Variants in CALN1 observed in about 807,000 individuals in gnomAD.
The protein encoded by CALN1 is calcium-binding protein 8.
CALN1 carries 17 observed loss-of-function variants against 30.6 expected under a neutral mutation model. The observed-to-expected ratio is 0.56, with a 90% CI of 0.38 to 0.83. The LOEUF (loss-of-function observed/expected upper bound fraction) is 0.83, where lower values mean the gene tolerates loss of function less well. Ranked by LOEUF, CALN1 falls within the 40% of genes least tolerant of loss-of-function variation. The probability of loss-of-function intolerance (pLI) is 0.00; values close to 1 mark genes in which losing one functional copy is unlikely to be tolerated. For missense variants in CALN1, 291 were observed against 354.9 expected (o/e 0.82, Z 1.45); for synonymous variants, 156 against 131.4 (o/e 1.19, Z -1.28).
intron 4 of CALN1, among the ~76,000 whole-genome samples, chr7:72,100,958 TTTTG>T (rs921705228): frequency 6.6e-6 from 1 of 151,870 alleles, no homozygotes; most frequent in Non-Finnish European, 1.5e-5. Flanking sequence ...TGACTAGGAT[TTTTG>T]TTTGTTTTGT....
intron 2 of CALN1, among the ~76,000 whole-genome samples, chr7:72,380,742 T>TAGAC (rs1804849696): frequency 1.3e-5 from 2 of 152,074 alleles, no homozygotes; most frequent in African/African-American, 4.8e-5. Context: ...CATAGATAGA[T>TAGAC]AGTGTTAAAG....
chr7:72,367,265 C>T (rs979908251), intron 2 of CALN1, among the ~76,000 whole-genome samples: 1 of 151,792 alleles, frequency 6.6e-6, no homozygotes, highest in Non-Finnish European at 1.5e-5. Context: ...GGCAGGAGGA[C>T]TGCTTGAGGC....
intron 2 of CALN1, among the ~76,000 whole-genome samples, chr7:72,295,024 T>A (rs970862279): frequency 1.4e-5 from 2 of 144,592 alleles, no homozygotes; most frequent in Non-Finnish European, 3.1e-5. Context: ...ACAGTTGAAT[T>A]TAAGTAGAGA....
intron 3 of CALN1, among the ~76,000 whole-genome samples, chr7:72,185,027 A>G (rs118167704): frequency 0.044 from 6,724 of 152,070 alleles, 225 homozygotes; most frequent in Middle Eastern, 0.095. Flanking sequence ...CTGGTCTCAA[A>G]TTCCTGGGCT....
At position 72,271,236 on chromosome 7, in the gene CALN1, C is replaced by T. The variant is rs144781580; in HGVS notation, c.244+7450G>A. On this transcript the variant is annotated intron_variant, in intron 3 of 6. Coordinates refer to ENST00000395275, the MANE Select transcript of CALN1 (RefSeq NM_031468.4). ...CTAGGTCTAAAATCCAAGAGGGAGG[C>T]AGGACTGGAGATACGTATCTTGAGG... Among the ~76,000 whole-genome samples the T allele has an allele frequency of 6.9e-3, 1,044 of 151,996 alleles. 16 individuals carry two copies. The highest frequency in any genetic ancestry group is 0.024 in the African/African-American group (1,009 of 41,444).
At position 72,096,844 on chromosome 7, in the gene CALN1, A is replaced by G. The variant is rs1359967254; in HGVS notation, c.388+9307T>C. ...AAAGGATTATAAATCATGCTGCTAT[A>G]AAGACACATGCACACATATGTTTAT... On this transcript the variant is annotated intron_variant, in intron 4 of 6. Transcript: ENST00000395275. 2.6e-5 allele frequency among the ~76,000 whole-genome samples: 4 copies of G among 152,212 alleles called. No individual in the cohort carries two copies. The East Asian group carries it at 7.7e-4, about 29-fold the overall frequency.
chr7:72,181,160 T>C (rs1041320841), intron 3 of CALN1, among the ~76,000 whole-genome samples: 7 of 143,572 alleles, frequency 4.9e-5, no homozygotes, highest in Non-Finnish European at 1.5e-5. Flanking sequence ...CCCTACCATG[T>C]TAAAGTACCA....
chr7:71,971,967 AAGAAAGAAAGAAAGAAAGAAAGAAAG>A (rs1562946715), intron 5 of CALN1, among the ~76,000 whole-genome samples: 22 of 136,792 alleles, frequency 1.6e-4, no homozygotes, highest in Non-Finnish European at 3.4e-4. Flanking sequence ...GAAAGAAAGA[AAGAAAGAAAGAAAGAAAGAAAGAAAG>A]AGAAAGAAAG....
chr7:72,417,199 C>A (rs572274538), upstream of CALN1, among the ~76,000 whole-genome samples: 7 of 152,150 alleles, frequency 4.6e-5, no homozygotes, highest in Non-Finnish European at 1.0e-4. Context: ...CCTCGCCTCC[C>A]GAGGGAGGAC....
At chr7:71,798,525 C>T (rs985334640) in intron 6 of CALN1, among the ~76,000 whole-genome samples, 7 of 151,748 alleles carry the variant, frequency 4.6e-5, no homozygotes, top group South Asian at 2.1e-4. Context: ...AGGCTGGTCT[C>T]GAACTCCTGG....
At chr7:71,904,724 G>C (rs1794037905) in intron 5 of CALN1, among the ~76,000 whole-genome samples, 1 of 152,152 alleles carries the variant, frequency 6.6e-6, no homozygotes, top group East Asian at 1.9e-4. Flanking sequence ...ACTATTTGAG[G>C]TCACGCATTT....
chr7:71,815,181 T>C (rs769112862), intron 5 of CALN1, among the ~76,000 whole-genome samples: 3 of 152,164 alleles, frequency 2.0e-5, no homozygotes, highest in Non-Finnish European at 4.4e-5. Context: ...CAGTCAACAG[T>C]AGGCTATTAG....
At chr7:72,217,436 C>T (rs183897853) in intron 3 of CALN1, among the ~76,000 whole-genome samples, 22 of 152,250 alleles carry the variant, frequency 1.4e-4, no homozygotes, top group South Asian at 8.3e-4. Flanking sequence ...GCCAATAAAG[C>T]GCTCTCCCTG....
Position 71,781,598 on chromosome 7 carries a change from C to T in CALN1, c.*6177G>A. 1 of 152,352 alleles carries T rather than the reference C, an allele frequency of 6.6e-6. No individual in the cohort carries two copies. Among genetic ancestry groups the T allele is most frequent in the Non-Finnish European group, 1.5e-5 (1 of 68,044 alleles). The allele number at this position is 152,352 out of a possible 1,614,324, so 9.4% of individuals were successfully genotyped here. On this transcript the variant is annotated 3_prime_UTR_variant, in exon 7 of 7. Coordinates refer to ENST00000395275, the MANE Select transcript of CALN1 (RefSeq NM_031468.4). Reference sequence around the variant, plus strand: ...GTCTCCCTCAGGTCCAGGGATGGAGCAATATCGCAGTTGCACCTTGCATTC... The same window carrying T: ...GTCTCCCTCAGGTCCAGGGATGGAGTAATATCGCAGTTGCACCTTGCATTC...
intron 3 of CALN1, among the ~76,000 whole-genome samples, chr7:72,270,389 C>T (rs959898956): frequency 2.6e-5 from 4 of 152,056 alleles, no homozygotes; most frequent in African/African-American, 7.2e-5. Flanking sequence ...TTCCAAAAAC[C>T]TCTGTGGATT....
At chr7:71,796,358 C>CTTT (rs35184000) in intron 6 of CALN1, among the ~76,000 whole-genome samples, 13 of 130,214 alleles carry the variant, frequency 1.0e-4, no homozygotes, top group Admixed American at 1.6e-4. Context: ...ATGTTTCTTT[C>CTTT]TTTTTTTTTT....
chr7:72,155,280 C>G (rs1401698097), intron 3 of CALN1, among the ~76,000 whole-genome samples: 4 of 151,988 alleles, frequency 2.6e-5, no homozygotes, highest in Non-Finnish European at 5.9e-5. Flanking sequence ...TTAACAAGGT[C>G]AGGAGATCGA....
At chr7:72,044,325 C>T (rs779463895) in intron 4 of CALN1, among the ~76,000 whole-genome samples, 7 of 152,104 alleles carry the variant, frequency 4.6e-5, no homozygotes, top group Non-Finnish European at 8.8e-5. Context: ...TAGGTTCATC[C>T]AGAGCCGGCC....
At chr7:72,168,290 T>TA (rs1208138404) in intron 3 of CALN1, among the ~76,000 whole-genome samples, 1 of 151,692 alleles carries the variant, frequency 6.6e-6, no homozygotes, top group Non-Finnish European at 1.5e-5. Flanking sequence ...AATATTCACA[T>TA]AGACAGTCCA....
Sources: gnomAD v4.1 joint callset for allele counts (sites outside exome capture counted in the v4.1 genomes callset) on GRCh38, gnomAD v4.1.1 for gene constraint, MANE v1.5 for transcripts, NCBI Gene and HGNC (gene_info 2026-07-23, HGNC 2026-07-21) for gene names.